The following MYCBP2 variants were observed in gnomAD, a reference collection of about 807,000 sequenced individuals.
MYCBP2 encodes MYC binding protein 2.
Under a neutral mutation model 525.3 loss-of-function variants are expected in MYCBP2, and 120 were observed. That is an observed-to-expected ratio of 0.23 (90% confidence interval 0.20 to 0.27). The LOEUF is 0.27. Among genes scored for constraint, MYCBP2 ranks in the 10% least tolerant of loss-of-function variants. The pLI, the probability that MYCBP2 is intolerant of heterozygous loss-of-function variation, is 1.00. For missense variants in MYCBP2, 4,149 were observed against 5,657.1 expected, an observed-to-expected ratio of 0.73 and a Z score of 8.55; for synonymous variants, 1,894 against 1,955.8, an observed-to-expected ratio of 0.97 and a Z score of 0.83.
Position 77,309,949 on chromosome 13 carries a change from T to G in MYCBP2, c.303-13275A>C, listed in dbSNP as rs866575501. Among the ~76,000 whole-genome samples the G allele has an allele frequency of 3.3e-5, 5 of 152,042 alleles. No homozygotes were observed. In the South Asian group the frequency reaches 1.0e-3, roughly 32 times the overall value. On this transcript the variant is annotated intron_variant, in intron 1 of 82. Coordinates refer to ENST00000544440, the MANE Select transcript of MYCBP2 (RefSeq NM_015057.5). The stretch of plus-strand genomic sequence containing the variant: ...CAAGATGGTGAAATCCCATCTCTAC[T>G]AAAAATACAAAAATTAGCTGGGCGT...
At chr13:77,275,299 C>T (rs921736061) in intron 4 of MYCBP2, among the ~76,000 whole-genome samples, 6 of 152,224 alleles carry the variant, frequency 3.9e-5, no homozygotes, top group Non-Finnish European at 8.8e-5. Flanking sequence ...AATTCTTTAA[C>T]ATGGCATGTA....
chr13:77,064,789 A>G lies in MYCBP2; in HGVS notation c.12553-55T>C. ...GTGACCAGAAATGTATTACCATAGT[A>G]AACTCTTTTTTCTTAAATAACATCT... On this transcript the variant is annotated intron_variant, in intron 72 of 82. Coordinates refer to ENST00000544440, the MANE Select transcript of MYCBP2 (RefSeq NM_015057.5). 4 of 1,463,796 alleles carry G rather than the reference A, an allele frequency of 2.7e-6. No homozygotes were observed. In the South Asian group the frequency reaches 4.8e-5, roughly 17 times the overall value. 90.7% of individuals were successfully genotyped at this position (1,463,796 alleles called of 1,614,324 possible). A position where few individuals can be genotyped will look rare whatever the true frequency, so the allele number is the denominator to read the frequency against.
At chr13:77,207,538 A>AT (rs2063490363) in intron 23 of MYCBP2, among the ~76,000 whole-genome samples, 1 of 152,214 alleles carries the variant, frequency 6.6e-6, no homozygotes, top group African/African-American at 2.4e-5. Context: ...TCACAATAAC[A>AT]TAAATACACT....
Position 77,267,945 on chromosome 13 carries a change from C to G in MYCBP2, c.1261-8G>C. 2 of 1,594,888 alleles carry G rather than the reference C, an allele frequency of 1.3e-6. No homozygotes were observed. The highest frequency in any genetic ancestry group is 1.7e-6 in the Non-Finnish European group (2 of 1,166,120). On this transcript the variant is annotated splice_region_variant and splice_polypyrimidine_tract_variant and intron_variant, in intron 7 of 82. Coordinates refer to ENST00000544440, the MANE Select transcript of MYCBP2 (RefSeq NM_015057.5). ...TCTATATAATAAATAACCCTGATAA[C>G]AGCAAAAAATTTTCCTGTTAAAATA...
In MYCBP2 at chr13:77,243,859, T is replaced by C; in HGVS notation, c.2474A>G (p.Gln825Arg). The C allele has an allele frequency of 6.2e-7, 1 of 1,613,820 alleles. No individual in the cohort carries two copies. The highest frequency in any genetic ancestry group is 8.5e-7 in the Non-Finnish European group (1 of 1,179,928). The change falls in exon 16 of 83, where the codon CAA becomes CGA. Residue 825 changes from glutamine (Q) to arginine (R), a missense_variant. This residue lies in a region of MYCBP2 where 620 missense variants were observed against 795.5 expected (regional missense o/e 0.78). Coordinates refer to ENST00000544440, the MANE Select transcript of MYCBP2 (RefSeq NM_015057.5). Reference sequence around the variant, plus strand: ...TTTCACTGCATCAAGAATTCCTCTTTGTCTTGCCTCTTGACCATCTAACTC... The same window carrying C: ...TTTCACTGCATCAAGAATTCCTCTTCGTCTTGCCTCTTGACCATCTAACTC... The part of the protein sequence containing the change: ...ARELDGQEAR[Q>R]RGILDAVKEM...
At chr13:77,173,894 A>G (rs1159605825) in intron 37 of MYCBP2, among the ~76,000 whole-genome samples, 2 of 152,270 alleles carry the variant, frequency 1.3e-5, no homozygotes, top group African/African-American at 4.8e-5. Flanking sequence ...CAAGATTCAC[A>G]GACATCAAAA....
intron 26 of MYCBP2, among the ~76,000 whole-genome samples, chr13:77,197,657 T>C (rs1397972288): frequency 3.3e-5 from 5 of 152,090 alleles, no homozygotes; most frequent in African/African-American, 1.2e-4. Context: ...GAGGAACTCC[T>C]ACATTCAGTG....
intron 3 of MYCBP2, among the ~76,000 whole-genome samples, chr13:77,281,944 A>G (rs2076230111): frequency 6.6e-6 from 1 of 152,354 alleles, no homozygotes; most frequent in South Asian, 2.1e-4. Context: ...TTATATTTAC[A>G]TATTACCATA....
intron 62 of MYCBP2, among the ~76,000 whole-genome samples, chr13:77,084,519 AAGG>A (rs2043879900): frequency 6.6e-6 from 1 of 152,168 alleles, no homozygotes; most frequent in Non-Finnish European, 1.5e-5. Context: ...AGATTCCATC[AAGG>A]CTTGGCATTC....
At chr13:77,088,802 G>T in intron 61 of MYCBP2, 30 bp downstream of exon 61, 2 of 1,550,408 alleles carry the variant, frequency 1.3e-6, no homozygotes, top group South Asian at 1.1e-5. Flanking sequence ...TATAATCAAT[G>T]AATCAGTAAT....
intron 79 of MYCBP2, among the ~76,000 whole-genome samples, 191 bp downstream of exon 79, chr13:77,056,795 A>G (rs2038174852): frequency 1.3e-5 from 2 of 152,220 alleles, no homozygotes; most frequent in South Asian, 2.1e-4. Flanking sequence ...TCAGTTTTAA[A>G]TGGACAATTA....
intron 34 of MYCBP2, among the ~76,000 whole-genome samples, chr13:77,179,340 A>G (rs1011669360): frequency 6.6e-6 from 1 of 152,214 alleles, no homozygotes; most frequent in African/African-American, 2.4e-5. Flanking sequence ...TCATATTAGG[A>G]CATGATTTTC....
intron 78 of MYCBP2, 68 bp from the exon 79 acceptor site, chr13:77,057,161 T>C: frequency 8.9e-7 from 1 of 1,127,868 alleles, no homozygotes; most frequent in African/African-American, 1.5e-5. Context: ...GACTGGGAGA[T>C]TATTTAATGC....
At chr13:77,092,246 C>T (rs1313768538) in intron 59 of MYCBP2, among the ~76,000 whole-genome samples, 1 of 152,078 alleles carries the variant, frequency 6.6e-6, no homozygotes, top group Non-Finnish European at 1.5e-5. Flanking sequence ...TCCAATGATA[C>T]CATGTTCACA....
At chr13:77,176,361 T>A (rs1274970584) in intron 36 of MYCBP2, 136 bp downstream of exon 36, 1 of 615,702 alleles carries the variant, frequency 1.6e-6, no homozygotes, top group Non-Finnish European at 2.4e-6. Context: ...AGGTACTCCA[T>A]AAATATTTAA....
intron 82 of MYCBP2, 86 bp from the exon 83 acceptor site, chr13:77,045,579 G>A: frequency 3.9e-6 from 3 of 778,522 alleles, no homozygotes; most frequent in Non-Finnish European, 6.3e-6. Flanking sequence ...TCACTGATAG[G>A]TTATTCAAAG....
intron 43 of MYCBP2, among the ~76,000 whole-genome samples, chr13:77,163,249 T>C (rs2058154276): frequency 6.6e-6 from 1 of 152,220 alleles, no homozygotes; most frequent in African/African-American, 2.4e-5. Context: ...AAAGTATATA[T>C]AATGTAAAAT....
intron 62 of MYCBP2, among the ~76,000 whole-genome samples, chr13:77,084,170 C>T (rs1474465439): frequency 6.6e-6 from 1 of 152,114 alleles, no homozygotes; most frequent in Admixed American, 6.6e-5. Flanking sequence ...TTCACACATG[C>T]ATATATGATA....
chr13:77,063,615 G>GAGGCTTAA (rs2039715191), intron 73 of MYCBP2, among the ~76,000 whole-genome samples: 1 of 147,812 alleles, frequency 6.8e-6, no homozygotes, highest in Non-Finnish European at 1.5e-5. Context: ...AAAAATTTCT[G>GAGGCTTAA]AGGCTTAAAG....
Sources: gnomAD v4.1 joint callset for allele counts (sites outside exome capture counted in the v4.1 genomes callset) on GRCh38, gnomAD v4.1.1 for gene constraint, gnomAD v4.1.1 regional missense constraint, MANE v1.5 for transcripts, NCBI Gene and HGNC (gene_info 2026-07-23, HGNC 2026-07-21) for gene names.